AUH: variants seen among roughly 807,000 people sequenced by gnomAD.
The protein encoded by AUH is methylglutaconyl-CoA hydratase, mitochondrial.
Under a neutral mutation model 42.3 loss-of-function variants are expected in AUH, and 29 were observed. The ratio of observed to expected loss-of-function variants is 0.69; its 90% CI spans 0.51 to 0.93. The LOEUF (loss-of-function observed/expected upper bound fraction) is 0.93, where lower values mean the gene tolerates loss of function less well. Among genes scored for constraint, AUH ranks in the 40% least tolerant of loss-of-function variants. The probability of loss-of-function intolerance (pLI) is 0.00; values close to 1 mark genes in which losing one functional copy is unlikely to be tolerated. For synonymous variants in AUH, 174 were observed against 166.4 expected (o/e 1.05, Z -0.35); for missense variants, 452 against 438.1 (o/e 1.03, Z -0.28).
At chr9:91,320,451 C>G (rs1240425407) in intron 4 of AUH, among the ~76,000 whole-genome samples, 1 of 152,198 alleles carries the variant, frequency 6.6e-6, no homozygotes. Flanking sequence ...GCCCAGTGTT[C>G]AAACTGTGTT....
At chr9:91,336,656 C>A (rs1375186968) in intron 3 of AUH, among the ~76,000 whole-genome samples, 1 of 148,508 alleles carries the variant, frequency 6.7e-6, no homozygotes, top group Non-Finnish European at 1.5e-5. Context: ...AAGAAATGAA[C>A]CTCCATCACA....
At chr9:91,238,322 G>A (rs1828305038) in intron 6 of AUH, among the ~76,000 whole-genome samples, 1 of 152,188 alleles carries the variant, frequency 6.6e-6, no homozygotes, top group African/African-American at 2.4e-5. Context: ...TAGCAGGAAG[G>A]GAAAAGGGGG....
At chr9:91,275,396 G>T (rs928463440) in intron 6 of AUH, among the ~76,000 whole-genome samples, 1 of 152,158 alleles carries the variant, frequency 6.6e-6, no homozygotes, top group Non-Finnish European at 1.5e-5. Context: ...TTAAATATTA[G>T]GCATTCTTGG....
intron 6 of AUH, among the ~76,000 whole-genome samples, chr9:91,233,470 G>A (rs926586013): frequency 6.6e-6 from 1 of 152,156 alleles, no homozygotes; most frequent in Non-Finnish European, 1.5e-5. Flanking sequence ...GAACATCTGA[G>A]AGCATCTTCT....
intron 3 of AUH, among the ~76,000 whole-genome samples, chr9:91,344,378 A>C (rs1831326775): frequency 6.6e-6 from 1 of 152,166 alleles, no homozygotes; most frequent in Non-Finnish European, 1.5e-5. Context: ...CGTACATCTT[A>C]CATGTATTGA....
chr9:91,220,469 T>C (rs1250545548), intron 7 of AUH, among the ~76,000 whole-genome samples: 2 of 152,228 alleles, frequency 1.3e-5, no homozygotes, highest in African/African-American at 4.8e-5. Flanking sequence ...TCACTCTTTC[T>C]TTCCATGGCT....
intron 6 of AUH, among the ~76,000 whole-genome samples, chr9:91,249,292 C>CAAAAAAAAAAAAAAAAAAGAAA (rs1828980424): frequency 9.2e-5 from 3 of 32,504 alleles, no homozygotes; most frequent in East Asian, 7.6e-4. Flanking sequence ...GAACCTGTCT[C>CAAAAAAAAAAAAAAAAAAGAAA]AAAAAAAAAA....
At chr9:91,247,039 G>C (rs538226199) in intron 6 of AUH, among the ~76,000 whole-genome samples, 2 of 152,102 alleles carry the variant, frequency 1.3e-5, no homozygotes, top group Non-Finnish European at 1.5e-5. Context: ...TCCTTTCCCC[G>C]ACAATCCTTC....
intron 6 of AUH, among the ~76,000 whole-genome samples, chr9:91,228,566 T>C (rs916650083): frequency 2.0e-5 from 3 of 147,770 alleles, no homozygotes; most frequent in African/African-American, 7.6e-5. Flanking sequence ...AGTTCTGCTC[T>C]GATTTTAGTT....
At chr9:91,269,435 C>G (rs1244101854) in intron 6 of AUH, among the ~76,000 whole-genome samples, 2 of 152,166 alleles carry the variant, frequency 1.3e-5, no homozygotes, top group Non-Finnish European at 2.9e-5. Flanking sequence ...TATGTAGTGA[C>G]AGATCTAAAT....
In AUH at chr9:91,297,554, AAGGGAGGACCTC is replaced by A. The variant is rs374509114; in HGVS notation, c.598+418_598+429del. On this transcript the variant is annotated intron_variant, in intron 5 of 9. Transcript: ENST00000375731. ...TAAAGAGGAAGATATTGGCCTAAAA[AAGGGAGGACCTC>A]AGATTCTTTTCCTTTTTTTCTTTCC... Among the ~76,000 whole-genome samples the A allele has an allele frequency of 3.0e-3, 462 of 152,256 alleles. 4 individuals carry two copies. Among genetic ancestry groups the A allele is most frequent in the African/African-American group, 0.01 (427 of 41,548 alleles).
At chr9:91,356,305 C>G in intron 1 of AUH, 150 bp from the exon 2 acceptor site, 1 of 713,466 alleles carries the variant, frequency 1.4e-6, no homozygotes, top group Non-Finnish European at 2.4e-6. Flanking sequence ...TTCTTAAGCA[C>G]CAAGATAATT....
chr9:91,298,092 A>G lies in AUH; in HGVS notation c.506-16T>C, dbSNP rs954637145. Reference sequence around the variant, plus strand: ...GGAAGATTAGCTGAAATGGAAAGAAAATTTTATGCTTCCTTAATAAGATTA... The same window carrying G: ...GGAAGATTAGCTGAAATGGAAAGAAGATTTTATGCTTCCTTAATAAGATTA... On this transcript the variant is annotated splice_polypyrimidine_tract_variant and intron_variant, in intron 4 of 9. Transcript: ENST00000375731. 6.4e-7 allele frequency: 1 copy of G among 1,574,770 alleles called. No homozygotes were observed. Among genetic ancestry groups the G allele is most frequent in the African/African-American group, 1.3e-5 (1 of 74,080 alleles).
chr9:91,284,439 C>T (rs547761394), intron 6 of AUH, among the ~76,000 whole-genome samples: 6 of 152,156 alleles, frequency 3.9e-5, no homozygotes, highest in South Asian at 2.1e-4. Flanking sequence ...AAAGCAATGG[C>T]GACAAAAGCC....
chr9:91,331,515 G>C (rs1463470405), intron 3 of AUH, among the ~76,000 whole-genome samples: 1 of 152,104 alleles, frequency 6.6e-6, no homozygotes, highest in Non-Finnish European at 1.5e-5. Flanking sequence ...TATGTAACTT[G>C]CCAGTAATAA....
intron 6 of AUH, among the ~76,000 whole-genome samples, chr9:91,244,407 A>C (rs1277396487): frequency 6.6e-6 from 1 of 152,240 alleles, no homozygotes. Context: ...TTTGCACATA[A>C]ACTTAATGTA....
intron 4 of AUH, among the ~76,000 whole-genome samples, chr9:91,304,194 C>T (rs1244611369): frequency 6.6e-6 from 1 of 152,182 alleles, no homozygotes; most frequent in African/African-American, 2.4e-5. Flanking sequence ...CAGAAAGGGT[C>T]ATTATACCAA....
chr9:91,237,123 G>T (rs1457642418), intron 6 of AUH, among the ~76,000 whole-genome samples: 2 of 152,178 alleles, frequency 1.3e-5, no homozygotes, highest in East Asian at 3.8e-4. Flanking sequence ...CAGATAATGT[G>T]ATGAAAATAA....
At chr9:91,307,801 T>A (rs1828347232) in intron 4 of AUH, among the ~76,000 whole-genome samples, 2 of 152,160 alleles carry the variant, frequency 1.3e-5, no homozygotes, top group Admixed American at 6.5e-5. Context: ...TCATCTGTGG[T>A]TTCAGACATC....
Sources: allele counts gnomAD v4.1 joint callset (sites outside exome capture counted in the v4.1 genomes callset), GRCh38; gene constraint gnomAD v4.1.1; transcripts MANE v1.5; gene names NCBI Gene and HGNC (gene_info 2026-07-23, HGNC 2026-07-21).